MAF: variants seen among roughly 807,000 people sequenced by gnomAD.
The protein encoded by MAF is MAF bZIP transcription factor.
A neutral mutation model predicts 22.0 loss-of-function variants in MAF; 10 were observed. The ratio of observed to expected loss-of-function variants is 0.45; its 90% CI spans 0.28 to 0.77. The LOEUF (loss-of-function observed/expected upper bound fraction) is 0.77. Ranked by LOEUF, MAF falls within the 30% of genes least tolerant of loss-of-function variation. MAF has a pLI of 0.12. For synonymous variants in MAF, 337 were observed against 255.8 expected, an observed-to-expected ratio of 1.32 and a Z score of -3.03; for missense variants, 544 against 548.4, an observed-to-expected ratio of 0.99 and a Z score of 0.08.
chr16:79,442,583 C>A, the MAF span, among the ~76,000 whole-genome samples: 2 of 151,820 alleles, frequency 1.3e-5, no homozygotes, highest in South Asian at 4.2e-4. Context: ...GCACTGTTGC[C>A]TAGGCTGACA....
the MAF span, among the ~76,000 whole-genome samples, chr16:79,391,816 C>G: frequency 6.6e-6 from 1 of 150,406 alleles, no homozygotes; most frequent in African/African-American, 2.5e-5. Flanking sequence ...GTCCCCCTTT[C>G]CCAGTAATGA....
the MAF span, among the ~76,000 whole-genome samples, chr16:79,363,835 A>C: frequency 3.3e-5 from 5 of 152,158 alleles, no homozygotes; most frequent in Non-Finnish European, 7.4e-5. Flanking sequence ...GAAGAGAAGG[A>C]ACAAATATCT....
the MAF span, among the ~76,000 whole-genome samples, chr16:79,374,438 C>T: frequency 6.6e-6 from 1 of 152,228 alleles, no homozygotes; most frequent in Non-Finnish European, 1.5e-5. Context: ...CCCTCCCCTA[C>T]ATTTCTCTCC....
the MAF span, among the ~76,000 whole-genome samples, chr16:79,415,695 T>G: frequency 6.6e-6 from 1 of 151,820 alleles, no homozygotes; most frequent in Non-Finnish European, 1.5e-5. Context: ...CCCTTCTGCT[T>G]GTGCCATATT....
chr16:79,565,129 T>G, the MAF span, among the ~76,000 whole-genome samples: 2 of 152,150 alleles, frequency 1.3e-5, no homozygotes, highest in Non-Finnish European at 2.9e-5. Context: ...TTCACACCAT[T>G]CAGAGCCAAA....
chr16:79,468,874 T>C, the MAF span, among the ~76,000 whole-genome samples: 1 of 152,164 alleles, frequency 6.6e-6, no homozygotes, highest in African/African-American at 2.4e-5. Flanking sequence ...ACCCTTCTAA[T>C]GGCGACCTCT....
At chr16:79,305,333 C>G in the MAF span, among the ~76,000 whole-genome samples, 1 of 152,198 alleles carries the variant, frequency 6.6e-6, no homozygotes, top group Admixed American at 6.5e-5. Flanking sequence ...CACAGGGGCA[C>G]CAGGACTGCA....
At chr16:79,547,044 T>C in the MAF span, among the ~76,000 whole-genome samples, 19 of 152,330 alleles carry the variant, frequency 1.2e-4, no homozygotes, top group African/African-American at 4.1e-4. Context: ...TCACAGGACA[T>C]GCGTACGAGT....
chr16:79,597,734 C>G, intron 1 of MAF: 1 of 1,020,074 alleles, frequency 9.8e-7, no homozygotes, highest in Non-Finnish European at 1.2e-6. Flanking sequence ...CTTCGAACGT[C>G]CATTTCCAAG....
At chr16:79,303,630 T>G in the MAF span, among the ~76,000 whole-genome samples, 1 of 152,218 alleles carries the variant, frequency 6.6e-6, no homozygotes, top group African/African-American at 2.4e-5. Flanking sequence ...CATCTTCCAC[T>G]GGCATGGCAA....
chr16:79,267,067 A>C, the MAF span, among the ~76,000 whole-genome samples: 1 of 152,218 alleles, frequency 6.6e-6, no homozygotes, highest in South Asian at 2.1e-4. Context: ...CATCCTAAGT[A>C]ATAATTGCTT....
the MAF span, among the ~76,000 whole-genome samples, chr16:79,515,373 C>T: frequency 6.6e-6 from 1 of 152,192 alleles, no homozygotes; most frequent in African/African-American, 2.4e-5. Flanking sequence ...TCAGTAGAAA[C>T]TGTACTTTGA....
At chr16:79,262,503 C>A in the MAF span, among the ~76,000 whole-genome samples, 4 of 152,098 alleles carry the variant, frequency 2.6e-5, no homozygotes, top group Admixed American at 2.6e-4. Context: ...CGGGTGGATA[C>A]CTTATCTGTT....
downstream of MAF, chr16:79,585,754 T>G: frequency 1.8e-6 from 1 of 569,098 alleles, no homozygotes; most frequent in Non-Finnish European, 3.1e-6. Flanking sequence ...AACAGGAACT[T>G]TTCACACCTA....
At chr16:79,252,756 C>G in the MAF span, among the ~76,000 whole-genome samples, 1 of 152,264 alleles carries the variant, frequency 6.6e-6, no homozygotes, top group South Asian at 2.1e-4. Flanking sequence ...TCCCAAAGTG[C>G]TGGGATTACA....
chr16:79,463,713 C>CAAA, the MAF span, among the ~76,000 whole-genome samples: 3 of 152,042 alleles, frequency 2.0e-5, no homozygotes, highest in African/African-American at 7.2e-5. Flanking sequence ...GTAAATTTCT[C>CAAA]AAAAACTTTA....
At chr16:79,286,962 A>G in the MAF span, among the ~76,000 whole-genome samples, 3 of 152,160 alleles carry the variant, frequency 2.0e-5, no homozygotes, top group African/African-American at 7.2e-5. Flanking sequence ...AAACAAACAG[A>G]CAAAAAAACC....
At chr16:79,467,664 G>C in the MAF span, among the ~76,000 whole-genome samples, 1 of 152,080 alleles carries the variant, frequency 6.6e-6, no homozygotes, top group South Asian at 2.1e-4. Flanking sequence ...GATTCTCAGG[G>C]CCCACCCTGG....
chr16:79,394,157 G>C, the MAF span, among the ~76,000 whole-genome samples: 6 of 152,210 alleles, frequency 3.9e-5, no homozygotes, highest in Non-Finnish European at 7.3e-5. Flanking sequence ...AGTCCAGAGA[G>C]AAGAAGAGAC....
Sources: allele counts gnomAD v4.1 joint callset (sites outside exome capture counted in the v4.1 genomes callset), GRCh38; gene constraint gnomAD v4.1.1; transcripts MANE v1.5; gene names NCBI Gene and HGNC (gene_info 2026-07-23, HGNC 2026-07-21).